Variants in EML6 observed in about 807,000 individuals in gnomAD.
The protein encoded by EML6 is EMAP like 6, also known as echinoderm microtubule-associated protein-like 6.
In EML6, 154 loss-of-function variants were observed where a neutral mutation model predicts 240.1. The ratio of observed to expected loss-of-function variants is 0.64; its 90% CI spans 0.56 to 0.73. The LOEUF is 0.73. EML6 is among the 30% of genes least tolerant of loss of function. The pLI, the probability that EML6 is intolerant of heterozygous loss-of-function variation, is 0.00. For synonymous variants in EML6, 1,148 were observed against 899.0 expected (o/e 1.28, Z -4.95); for missense variants, 2,964 against 2,474.6 (o/e 1.20, Z -4.20).
At chr2:54,930,953 C>CTTTTTTTTT (rs34403438) in intron 28 of EML6, among the ~76,000 whole-genome samples, 3 of 104,620 alleles carry the variant, frequency 2.9e-5, no homozygotes, top group Non-Finnish European at 5.5e-5. Flanking sequence ...CCGTAGGCAT[C>CTTTTTTTTT]TTTTTTTTTT....
rs1676435234 is a variant in EML6, at chr2:54,960,283, G to T, written c.4917G>T (p.Gln1639His). ...DQEMKRCRAF[Q>H]LETGQLVECV... ...AGATGAAGCGCTGCCGGGCCTTTCA[G>T]CTGGAGACCGGGCAGCTGGTGGAGT... The change falls in exon 35 of 42, where the codon CAG becomes CAT. Residue 1639 changes from glutamine (Q) to histidine (H), a missense_variant. Coordinates refer to ENST00000356458, the MANE Select transcript of EML6 (RefSeq NM_001039753.4). 6.4e-7 allele frequency: 1 copy of T among 1,551,396 alleles called. No homozygotes were observed. The highest frequency in any genetic ancestry group is 2.0e-5 in the Admixed American group (1 of 50,990).
intron 7 of EML6, among the ~76,000 whole-genome samples, chr2:54,837,339 A>G (rs1246045721): frequency 2.6e-5 from 4 of 152,152 alleles, no homozygotes; most frequent in Non-Finnish European, 5.9e-5. Flanking sequence ...ACTTGAGGCA[A>G]GTAATACAAA....
chr2:54,834,891 C>A (rs1669054576), intron 7 of EML6, among the ~76,000 whole-genome samples: 1 of 152,210 alleles, frequency 6.6e-6, no homozygotes, highest in Admixed American at 6.5e-5. Context: ...CTCTGCACAG[C>A]AGCTAGAGGG....
intron 2 of EML6, among the ~76,000 whole-genome samples, chr2:54,800,364 A>G (rs1290822538): frequency 2.0e-5 from 3 of 152,144 alleles, no homozygotes; most frequent in African/African-American, 7.2e-5. Flanking sequence ...GTGATCCTCA[A>G]ATGACGCTTG....
intron 28 of EML6, among the ~76,000 whole-genome samples, chr2:54,932,793 G>T (rs1674930685): frequency 6.6e-6 from 1 of 152,090 alleles, no homozygotes; most frequent in African/African-American, 2.4e-5. Flanking sequence ...AAATCCCTAA[G>T]GTTTGCTTGG....
chr2:54,878,303 C>T (rs1046242645), intron 16 of EML6, among the ~76,000 whole-genome samples: 2 of 152,134 alleles, frequency 1.3e-5, no homozygotes, highest in African/African-American at 4.8e-5. Context: ...TTATCACAGA[C>T]CTGTGTTGCT....
At chr2:54,895,922 G>A (rs1467485588) in intron 21 of EML6, among the ~76,000 whole-genome samples, 2 of 152,172 alleles carry the variant, frequency 1.3e-5, no homozygotes, top group African/African-American at 4.8e-5. Flanking sequence ...ACAATTTTAT[G>A]TTACATAATT....
chr2:54,957,682 C>A (rs912008006), intron 32 of EML6, 108 bp from the exon 33 acceptor site: 13 of 942,844 alleles, frequency 1.4e-5, no homozygotes, highest in East Asian at 2.6e-5. Flanking sequence ...TAAAGAAGAA[C>A]TGAGGCATGG....
chr2:54,929,771 G>C (rs573881094), intron 28 of EML6, among the ~76,000 whole-genome samples: 14 of 152,156 alleles, frequency 9.2e-5, no homozygotes, highest in African/African-American at 3.4e-4. Flanking sequence ...TTGGTAAATG[G>C]TGGGTGTGCT....
At chr2:54,814,382 G>C (rs996562359) in intron 3 of EML6, among the ~76,000 whole-genome samples, 3 of 152,080 alleles carry the variant, frequency 2.0e-5, no homozygotes, top group African/African-American at 7.2e-5. Context: ...TTGACTTACA[G>C]CAACACTGGG....
intron 2 of EML6, among the ~76,000 whole-genome samples, chr2:54,759,979 C>T (rs1000918230): frequency 5.9e-5 from 9 of 151,348 alleles, no homozygotes; most frequent in African/African-American, 2.2e-4. Context: ...TCAGCAGGAT[C>T]ATTATACACA....
At chr2:54,895,543 G>T in intron 21 of EML6, 143 bp downstream of exon 21, 7 of 727,844 alleles carry the variant, frequency 9.6e-6, no homozygotes, top group Non-Finnish European at 1.6e-5. Flanking sequence ...CTATTGCTGT[G>T]TAACAAATTG....
intron 28 of EML6, among the ~76,000 whole-genome samples, chr2:54,932,190 A>T (rs575944003): frequency 6.6e-6 from 1 of 152,220 alleles, no homozygotes; most frequent in African/African-American, 2.4e-5. Context: ...CAGATATGTA[A>T]TGTCCATGAG....
chr2:54,830,192 T>C (rs1668797848), intron 7 of EML6, among the ~76,000 whole-genome samples: 1 of 152,216 alleles, frequency 6.6e-6, no homozygotes, highest in Admixed American at 6.5e-5. Context: ...CTGTTACCTT[T>C]TGGCAGACAA....
intron 25 of EML6, among the ~76,000 whole-genome samples, 197 bp downstream of exon 25, chr2:54,911,239 C>T (rs374583941): frequency 6.6e-6 from 1 of 152,178 alleles, no homozygotes; most frequent in Non-Finnish European, 1.5e-5. Context: ...ACTGGTGTAG[C>T]AATGTACAGT....
Position 54,846,923 on chromosome 2 carries a change from A to ATTTTTTTTTTTTTTTTTTTTTTT in EML6, c.1050-550_1050-549insTTTTTTTTTTTTTTTTTTTTTTT, listed in dbSNP as rs34352060. 4.6e-5 allele frequency among the ~76,000 whole-genome samples: 6 copies of ATTTTTTTTTTTTTTTTTTTTTTT among 129,912 alleles called. 2 individuals carry two copies. Among genetic ancestry groups the ATTTTTTTTTTTTTTTTTTTTTTT allele is most frequent in the Admixed American group, 1.8e-4 (2 of 11,274 alleles). 85.2% of individuals were successfully genotyped at this position (129,912 alleles called of 152,430 possible). On this transcript the variant is annotated intron_variant, in intron 8 of 41. Transcript: ENST00000356458. Reference sequence around the variant, plus strand: ...AAAGTAATATTTTGTATGAAGTAGTATTTTTTTTTTTTTGGAGACAGGGCC... The same window carrying ATTTTTTTTTTTTTTTTTTTTTTT: ...AAAGTAATATTTTGTATGAAGTAGTATTTTTTTTTTTTTTTTTTTTTTTTTTTTTTTTTTTTGGAGACAGGGCC...
At chr2:54,814,316 C>T (rs1048174223) in intron 3 of EML6, among the ~76,000 whole-genome samples, 3 of 152,212 alleles carry the variant, frequency 2.0e-5, no homozygotes, top group Admixed American at 6.5e-5. Flanking sequence ...ATTCAGTCTC[C>T]AAAGGTTTTC....
intron 28 of EML6, among the ~76,000 whole-genome samples, chr2:54,935,949 G>C (rs1167623691): frequency 9.2e-5 from 14 of 152,142 alleles, no homozygotes; most frequent in Non-Finnish European, 4.4e-5. Context: ...AGGATCCCTT[G>C]AGGCCAGGAG....
intron 2 of EML6, among the ~76,000 whole-genome samples, chr2:54,807,004 A>G (rs1225700226): frequency 6.6e-6 from 1 of 152,192 alleles, no homozygotes; most frequent in Admixed American, 6.5e-5. Flanking sequence ...AAACTTATAC[A>G]CTTTACTGAC....
Sources: gnomAD v4.1 joint callset for allele counts (sites outside exome capture counted in the v4.1 genomes callset) on GRCh38, gnomAD v4.1.1 for gene constraint, MANE v1.5 for transcripts, NCBI Gene and HGNC (gene_info 2026-07-23, HGNC 2026-07-21) for gene names.